The following MYH9 variants were observed in gnomAD, a reference collection of about 807,000 sequenced individuals.
The protein encoded by MYH9 is myosin-9.
Under a neutral mutation model 241.9 loss-of-function variants are expected in MYH9, and 29 were observed. The observed-to-expected ratio is 0.12, with a 90% CI of 0.09 to 0.16. The LOEUF (loss-of-function observed/expected upper bound fraction) is 0.16, where lower values mean the gene tolerates loss of function less well. Among genes scored for constraint, MYH9 ranks in the 10% least tolerant of loss-of-function variants. The probability of loss-of-function intolerance (pLI) is 1.00; values close to 1 mark genes in which losing one functional copy is unlikely to be tolerated. For synonymous variants in MYH9, 1,047 were observed against 1,062.6 expected (o/e 0.99, Z 0.29); for missense variants, 1,803 against 2,595.5 (o/e 0.69, Z 6.63).
In MYH9 at chr22:36,349,746, A is replaced by G. The variant is rs114782006; in HGVS notation, c.-19-491T>C. Reference sequence around the variant, plus strand: ...GCTGATAGCAGGGATTTTGTTAGCAACTAATGGTAAGGTGTATCGCCCTAG... The same window carrying G: ...GCTGATAGCAGGGATTTTGTTAGCAGCTAATGGTAAGGTGTATCGCCCTAG... On this transcript the variant is annotated intron_variant, in intron 1 of 40. Coordinates refer to ENST00000216181, the MANE Select transcript of MYH9 (RefSeq NM_002473.6). Among the ~76,000 whole-genome samples, 1,303 of 152,322 alleles carry G rather than the reference A, an allele frequency of 8.6e-3. 19 individuals are homozygous for G. The highest frequency in any genetic ancestry group is 0.029 in the African/African-American group (1,222 of 41,548).
chr22:36,357,502 C>T (rs1487179924), intron 1 of MYH9, among the ~76,000 whole-genome samples: 5 of 152,256 alleles, frequency 3.3e-5, no homozygotes, highest in South Asian at 4.1e-4. Flanking sequence ...AGATGCCAGT[C>T]GCACCCTGTC....
chr22:36,319,746 C>T (rs2017219866), intron 9 of MYH9, 111 bp from the exon 10 acceptor site: 1 of 1,045,254 alleles, frequency 9.6e-7, no homozygotes, highest in Non-Finnish European at 1.4e-6. Flanking sequence ...AGCAGGGACA[C>T]CCCCCAACTC....
At chr22:36,372,925 A>C (rs1459742542) in intron 1 of MYH9, among the ~76,000 whole-genome samples, 1 of 151,932 alleles carries the variant, frequency 6.6e-6, no homozygotes, top group Non-Finnish European at 1.5e-5. Context: ...CAGCCACAAC[A>C]CCTGGCAGAG....
In MYH9 at chr22:36,300,837, C is replaced by T; in HGVS notation, c.2838+14G>A. The stretch of plus-strand genomic sequence containing the variant: ...CTCCGGCGCCACCCCTCCCCGGGTG[C>T]AGCGGGCAGGAACCTGGATGTTCTG... On this transcript the variant is annotated intron_variant, in intron 22 of 40. Coordinates refer to ENST00000216181, the MANE Select transcript of MYH9 (RefSeq NM_002473.6). This position sits in a 1 kb window ranked among gnomAD's most constrained non-coding sequence, Gnocchi z 5.0. The T allele has an allele frequency of 6.3e-7, 1 of 1,599,654 alleles. No homozygotes were observed. The highest frequency in any genetic ancestry group is 8.5e-7 in the Non-Finnish European group (1 of 1,179,866).
At chr22:36,291,540 C>T (rs1035928684) in intron 31 of MYH9, among the ~76,000 whole-genome samples, 3 of 152,044 alleles carry the variant, frequency 2.0e-5, no homozygotes, top group Non-Finnish European at 4.4e-5. Context: ...ACAAACACTG[C>T]GGAAGGCCAA....
At chr22:36,292,738 C>G (rs1263620834) in intron 30 of MYH9, among the ~76,000 whole-genome samples, 1 of 152,252 alleles carries the variant, frequency 6.6e-6, no homozygotes, top group Non-Finnish European at 1.5e-5. Flanking sequence ...AGAGCAGGGG[C>G]TCTGAAACCA....
At chr22:36,387,539 G>C (rs1029166438) in intron 1 of MYH9, among the ~76,000 whole-genome samples, 2 of 151,826 alleles carry the variant, frequency 1.3e-5, no homozygotes, top group Non-Finnish European at 2.9e-5. Flanking sequence ...GACACGGGGG[G>C]CGCCGGGGAG....
In MYH9 at chr22:36,293,969, T is replaced by C. The variant is rs538067291; in HGVS notation, c.3838-106A>G. ...TGGACCTGAGTCACAAGCTGAACCA[T>C]GAGGGTCTGAGGAGCCAGTTTGAGA... On this transcript the variant is annotated intron_variant, in intron 28 of 40. Coordinates refer to ENST00000216181, the MANE Select transcript of MYH9 (RefSeq NM_002473.6). This position sits in a 1 kb window ranked among gnomAD's most constrained non-coding sequence, Gnocchi z 5.1. 9.2e-5 allele frequency: 134 copies of C among 1,454,436 alleles called. 1 individual carries two copies. The South Asian group carries it at 1.5e-3, about 16-fold the overall frequency. The allele number at this position is 1,454,436 out of a possible 1,614,324, so 90.1% of individuals were successfully genotyped here. A position where few individuals can be genotyped will look rare whatever the true frequency, so the allele number is the denominator to read the frequency against.
intron 34 of MYH9, 47 bp from the exon 35 acceptor site, chr22:36,286,893 T>G: frequency 1.2e-6 from 2 of 1,600,602 alleles, no homozygotes; most frequent in Non-Finnish European, 1.7e-6. Flanking sequence ...TCCTTGGCCC[T>G]CCACCCCAAC....
chr22:36,299,489 T>C (rs1051154198), intron 23 of MYH9, among the ~76,000 whole-genome samples: 1 of 152,150 alleles, frequency 6.6e-6, no homozygotes, highest in African/African-American at 2.4e-5. Context: ...TTGCTTTCTG[T>C]TCTGTGTGGC....
intron 1 of MYH9, among the ~76,000 whole-genome samples, chr22:36,370,521 T>C (rs549575929): frequency 6.6e-6 from 1 of 152,288 alleles, no homozygotes; most frequent in East Asian, 1.9e-4. Flanking sequence ...CTGGGAACAG[T>C]GGCATAAGCG....
chr22:36,313,374 C>A (rs1162009496), intron 13 of MYH9, among the ~76,000 whole-genome samples: 1 of 146,640 alleles, frequency 6.8e-6, no homozygotes, highest in Non-Finnish European at 1.5e-5. Flanking sequence ...ATGGCATGAA[C>A]CCGGAAGGCG....
chr22:36,363,475 G>C (rs567420624), intron 1 of MYH9, among the ~76,000 whole-genome samples: 1 of 152,310 alleles, frequency 6.6e-6, no homozygotes, highest in East Asian at 1.9e-4. Context: ...CAGGAAGGAG[G>C]GAAGGAAGGA....
In MYH9 at chr22:36,289,238, C is replaced by T; in HGVS notation, c.4404G>A (p.Glu1468=). Residue 1468 remains glutamate (E), a synonymous_variant, in exon 32 of 41, where the codon GAG becomes GAA. Transcript: ENST00000216181. ...TGGTCTCCTTCTCTCGGGCCTCCGCCTCAGCCCGGTCGCGCTCCTCTGCAT... is the reference window on the plus strand; with the variant it reads ...TGGTCTCCTTCTCTCGGGCCTCCGCTTCAGCCCGGTCGCGCTCCTCTGCAT... The part of the protein sequence containing the change: ...AKYAEERDRA[E]AEAREKETKA... 4 of 1,613,058 alleles carry T rather than the reference C, an allele frequency of 2.5e-6. No individual in the cohort carries two copies. The highest frequency in any genetic ancestry group is 3.4e-6 in the Non-Finnish European group (4 of 1,180,012).
intron 12 of MYH9, among the ~76,000 whole-genome samples, chr22:36,316,225 G>C (rs1487224133): frequency 1.3e-5 from 2 of 151,656 alleles, no homozygotes; most frequent in Non-Finnish European, 2.9e-5. Context: ...GTAGAGACGG[G>C]GTTTCTCCAT....
rs1198019991 is a variant in MYH9 at position 36,293,873 on chromosome 22, G to A, written c.3838-10C>T. 1.2e-6 allele frequency: 2 copies of A among 1,610,680 alleles called. No homozygotes were observed. Among genetic ancestry groups the A allele is most frequent in the Non-Finnish European group, 8.5e-7 (1 of 1,178,542 alleles). On this transcript the variant is annotated splice_polypyrimidine_tract_variant and intron_variant, in intron 28 of 40. Transcript: ENST00000216181. The surrounding 1 kb of genome is among the most constrained non-coding windows in gnomAD (Gnocchi z 5.1). ...CGTTGTCCAGCTCCACCTGCACCGG[G>A]CGGGGAGACACAAAGGACCATGGAC...
intron 34 of MYH9, among the ~76,000 whole-genome samples, chr22:36,287,270 C>T (rs926125738): frequency 1.3e-5 from 2 of 152,136 alleles, no homozygotes; most frequent in Non-Finnish European, 2.9e-5. Flanking sequence ...GTCAAATAGC[C>T]TTTTTTTCCT....
At chr22:36,322,542 C>T (rs1319839584) in intron 5 of MYH9, 21 bp from the exon 6 acceptor site, 3 of 1,612,810 alleles carry the variant, frequency 1.9e-6, no homozygotes, top group South Asian at 2.2e-5. Context: ...CCCAGGGACG[C>T]AGTGAAGGCC....
chr22:36,318,125 T>C (rs1277582559), intron 11 of MYH9, 82 bp downstream of exon 11: 6 of 1,211,912 alleles, frequency 5.0e-6, no homozygotes, highest in Non-Finnish European at 7.3e-6. Flanking sequence ...CACCCCAGGA[T>C]GGCCCACAAC....
Sources: allele counts gnomAD v4.1 joint callset (sites outside exome capture counted in the v4.1 genomes callset), GRCh38; gene constraint gnomAD v4.1.1; non-coding constraint Gnocchi (gnomAD v3.1); transcripts MANE v1.5; gene names NCBI Gene and HGNC (gene_info 2026-07-23, HGNC 2026-07-21).